Variants in FAM83G observed in about 807,000 individuals in gnomAD.
The protein encoded by FAM83G is protein FAM83G.
A neutral mutation model predicts 61.5 loss-of-function variants in FAM83G; 38 were observed. That is an observed-to-expected ratio of 0.62 (90% CI 0.48 to 0.81). The LOEUF (loss-of-function observed/expected upper bound fraction) is 0.81, where lower values mean the gene tolerates loss of function less well. Among genes scored for constraint, FAM83G ranks in the 30% least tolerant of loss-of-function variants. The pLI is 0.00. For missense variants in FAM83G, 989 were observed against 1,133.6 expected (o/e 0.87, Z 1.83); for synonymous variants, 470 against 476.1 (o/e 0.99, Z 0.17).
rs2043078928 is a variant in FAM83G, at chr17:18,979,649, C to T, written c.715G>A (p.Gly239Arg). Reference protein sequence around the residue: ...LKNLRVRSSGGTEFFTRSATK... With the variant: ...LKNLRVRSSGRTEFFTRSATK... ...GCCGACCGCGTGAAGAACTCAGTTCCCCCGCTGCTCCGCACTCTGAGATTC... is the reference window on the plus strand; with the variant it reads ...GCCGACCGCGTGAAGAACTCAGTTCTCCCGCTGCTCCGCACTCTGAGATTC... The change falls in exon 4 of 6, where the codon GGA becomes AGA. Residue 239 changes from glycine to arginine, a missense_variant. Coordinates refer to ENST00000388995, the MANE Select transcript of FAM83G (RefSeq NM_001039999.3). The T allele has an allele frequency of 6.2e-7, 1 of 1,613,476 alleles. No homozygotes were observed. Among genetic ancestry groups the T allele is most frequent in the Non-Finnish European group, 8.5e-7 (1 of 1,179,988 alleles).
At position 18,992,502 on chromosome 17, in the gene FAM83G, G is replaced by A. The variant is rs538222114; in HGVS notation, c.523-4088C>T. On this transcript the variant is annotated intron_variant, in intron 2 of 5. Transcript: ENST00000388995. ...CCCAGCAGACACGGCCTGAAGCCACGTAACACTGGCTGCTGGCGTTGGGGG... is the reference window on the plus strand; with the variant it reads ...CCCAGCAGACACGGCCTGAAGCCACATAACACTGGCTGCTGGCGTTGGGGG... Among the ~76,000 whole-genome samples, 9 of 152,350 alleles carry A rather than the reference G, an allele frequency of 5.9e-5. No individual in the cohort carries two copies. The East Asian group carries it at 1.2e-3, about 20-fold the overall frequency.
intron 3 of FAM83G, among the ~76,000 whole-genome samples, chr17:18,980,525 C>G (rs1381326218): frequency 6.6e-6 from 1 of 152,094 alleles, no homozygotes; most frequent in East Asian, 1.9e-4. Context: ...ACATAAGGGC[C>G]CTCTGTCCCA....
At chr17:19,002,137 C>T (rs1211206583) in intron 2 of FAM83G, among the ~76,000 whole-genome samples, 1 of 152,246 alleles carries the variant, frequency 6.6e-6, no homozygotes, top group Admixed American at 6.5e-5. Flanking sequence ...TCCTCTTCCT[C>T]TAACTCCTTC....
chr17:18,985,744 A>G (rs115138605), intron 3 of FAM83G, among the ~76,000 whole-genome samples: 3,306 of 152,200 alleles, frequency 0.022, 122 homozygotes, highest in African/African-American at 0.074. Context: ...TGGATATGTC[A>G]CCCTACAGAC....
chr17:18,969,298 C>T lies in FAM83G; in HGVS notation c.*2061G>A. ...GAAGTTCCTCCCCGTGTCCCTCCTC[C>T]CTGGGGCCAGGGCCCCCTCCAGCAA... is the stretch of plus-strand genomic sequence containing the variant. On this transcript the variant is annotated 3_prime_UTR_variant, in exon 6 of 6. Transcript: ENST00000388995. 1 of 1,600,714 alleles carries T rather than the reference C, an allele frequency of 6.2e-7. No individual in the cohort carries two copies. Among genetic ancestry groups the T allele is most frequent in the East Asian group, 2.2e-5 (1 of 44,802 alleles).
rs192716339 is a variant in FAM83G, at chr17:18,988,725, A to G, written c.523-311T>C. ...ATGCTGAGATGAACCTGATGTGTCAATGACCGGAAGGGCAGCAGCTGGCGT... is the reference window on the plus strand; with the variant it reads ...ATGCTGAGATGAACCTGATGTGTCAGTGACCGGAAGGGCAGCAGCTGGCGT... On this transcript the variant is annotated intron_variant, in intron 2 of 5. Coordinates refer to ENST00000388995, the MANE Select transcript of FAM83G (RefSeq NM_001039999.3). 2.4e-4 allele frequency among the ~76,000 whole-genome samples: 36 copies of G among 152,344 alleles called. 1 individual carries two copies. The highest frequency in any genetic ancestry group is 7.5e-4 in the African/African-American group (31 of 41,584).
rs186981957 is a variant in FAM83G at position 18,971,463 on chromosome 17, G to T, written c.2368C>A (p.Leu790Met). The T allele has an allele frequency of 1.7e-5, 28 of 1,614,004 alleles. No individual in the cohort carries two copies. The highest frequency in any genetic ancestry group is 2.4e-5 in the Non-Finnish European group (28 of 1,180,042). Residue 790 changes from leucine to methionine, a missense_variant, in exon 6 of 6, where the codon CTG becomes ATG. Leu to Met is a conservative substitution (Grantham distance 15). This residue lies in a region of FAM83G where 574 missense variants were observed against 645.1 expected (regional missense o/e 0.89). Coordinates refer to ENST00000388995, the MANE Select transcript of FAM83G (RefSeq NM_001039999.3). The surrounding 1 kb of genome is among the most constrained non-coding windows in gnomAD (Gnocchi z 5.5). ...PSPFGIPYSK[L>M]SQSKHLKART... ...GCCTTTAGGTGCTTCGACTGAGACA[G>T]TTTGGAGTATGGGATTCCGAAGGGA...
At chr17:18,980,041 G>A (rs1050343581) in intron 3 of FAM83G, among the ~76,000 whole-genome samples, 34 of 152,176 alleles carry the variant, frequency 2.2e-4, no homozygotes, top group African/African-American at 7.5e-4. Flanking sequence ...GGTCCTGAGC[G>A]GGAGGGTGAT....
At chr17:18,979,970 A>G (rs1216988820) in intron 3 of FAM83G, among the ~76,000 whole-genome samples, 1 of 152,150 alleles carries the variant, frequency 6.6e-6, no homozygotes, top group Non-Finnish European at 1.5e-5. Context: ...TCAGGCAGGA[A>G]AAGGCTTACA....
In FAM83G at chr17:18,969,258, C is replaced by T. The variant is rs2042778221; in HGVS notation, c.*2101G>A. The T allele has an allele frequency of 1.3e-6, 2 of 1,577,780 alleles. No individual in the cohort carries two copies. The highest frequency in any genetic ancestry group is 1.3e-5 in the African/African-American group (1 of 74,258). On this transcript the variant is annotated 3_prime_UTR_variant, in exon 6 of 6. Transcript: ENST00000388995. ...CGAGGGAGCAGCCCAGGAAGTGGCCCCAGCAGGAGCCCCAGAAGTTCCTCC... is the reference window on the plus strand; with the variant it reads ...CGAGGGAGCAGCCCAGGAAGTGGCCTCAGCAGGAGCCCCAGAAGTTCCTCC...
intron 5 of FAM83G, among the ~76,000 whole-genome samples, chr17:18,974,742 C>A (rs761370533): frequency 5.3e-5 from 8 of 152,244 alleles, no homozygotes; most frequent in Non-Finnish European, 1.2e-4. Context: ...CACTAGCAGC[C>A]TCACTTAAGT....
chr17:18,978,083 T>C lies in FAM83G; in HGVS notation c.1583A>G (p.Glu528Gly). 1 of 1,516,672 alleles carries C rather than the reference T, an allele frequency of 6.6e-7. No individual in the cohort carries two copies. The highest frequency in any genetic ancestry group is 8.8e-7 in the Non-Finnish European group (1 of 1,135,776). 94.0% of individuals were successfully genotyped at this position (1,516,672 alleles called of 1,614,324 possible). Residue 528 changes from glutamate (E) to glycine (G), a missense_variant, in exon 5 of 6, where the codon GAG becomes GGG. Physicochemically the swap from Glu to Gly is moderately conservative, Grantham distance 98. Around this residue, in one of 3 missense-constraint regions of FAM83G, gnomAD observed 574 missense variants for 645.1 expected, o/e 0.89. Coordinates refer to ENST00000388995, the MANE Select transcript of FAM83G (RefSeq NM_001039999.3). Reference sequence around the variant, plus strand: ...CTGGGGAGCTTCCTCTTTGGGGAGCTCCAGGACCCAGCCAATATCACTGCT... The same window carrying C: ...CTGGGGAGCTTCCTCTTTGGGGAGCCCCAGGACCCAGCCAATATCACTGCT... ...RDSSDIGWVL[E>G]LPKEEAPQNG...
intron 5 of FAM83G, among the ~76,000 whole-genome samples, chr17:18,974,489 C>T (rs2152005141): frequency 6.6e-6 from 1 of 152,356 alleles, no homozygotes; most frequent in South Asian, 2.1e-4. Flanking sequence ...CAGGGCAGTG[C>T]ACAGACCAGA....
chr17:18,992,178 T>C (rs1010056829), intron 2 of FAM83G, among the ~76,000 whole-genome samples: 4 of 152,170 alleles, frequency 2.6e-5, no homozygotes, highest in African/African-American at 9.6e-5. Context: ...CCTCCCATGC[T>C]GTACCCTCCC....
chr17:18,982,487 G>A (rs770288845), intron 3 of FAM83G, among the ~76,000 whole-genome samples: 4 of 152,226 alleles, frequency 2.6e-5, no homozygotes, highest in Admixed American at 1.3e-4. Context: ...GAGGGATGCC[G>A]GGGCTGGCCC....
Position 18,971,443 on chromosome 17 carries a change from T to A in FAM83G, c.2388A>T (p.Leu796=), listed in dbSNP as rs1266098105. 1 of 1,613,850 alleles carries A rather than the reference T, an allele frequency of 6.2e-7. No homozygotes were observed. Among genetic ancestry groups the A allele is most frequent in the Non-Finnish European group, 8.5e-7 (1 of 1,180,008 alleles). The change falls in exon 6 of 6, where the codon CTA becomes CTT. Residue 796 remains leucine (L), a synonymous_variant. Coordinates refer to ENST00000388995, the MANE Select transcript of FAM83G (RefSeq NM_001039999.3). This position sits in a 1 kb window ranked among gnomAD's most constrained non-coding sequence, Gnocchi z 5.5. ...ACTGGCTACCGCCCGTCCTGGCCTTTAGGTGCTTCGACTGAGACAGTTTGG... is the reference window on the plus strand; with the variant it reads ...ACTGGCTACCGCCCGTCCTGGCCTTAAGGTGCTTCGACTGAGACAGTTTGG... ...PYSKLSQSKH[L]KARTGGSQWA...
intron 3 of FAM83G, among the ~76,000 whole-genome samples, chr17:18,980,926 C>A (rs762483008): frequency 6.6e-6 from 1 of 152,084 alleles, no homozygotes; most frequent in Non-Finnish European, 1.5e-5. Context: ...AGTCTCACTC[C>A]CTCCCGAGGG....
At chr17:19,001,108 A>G (rs1469272824) in intron 2 of FAM83G, among the ~76,000 whole-genome samples, 1 of 152,198 alleles carries the variant, frequency 6.6e-6, no homozygotes, top group African/African-American at 2.4e-5. Context: ...CATCTGAAAA[A>G]TGAGACAGAT....
chr17:18,982,144 G>A (rs891057710), intron 3 of FAM83G, among the ~76,000 whole-genome samples: 26 of 152,224 alleles, frequency 1.7e-4, no homozygotes, highest in Non-Finnish European at 3.7e-4. Flanking sequence ...GCAGGCCTCG[G>A]CTGGGCCGCT....
Sources: allele counts gnomAD v4.1 joint callset (sites outside exome capture counted in the v4.1 genomes callset), GRCh38; gene constraint gnomAD v4.1.1; regional missense constraint gnomAD v4.1.1; non-coding constraint Gnocchi (gnomAD v3.1); transcripts MANE v1.5; gene names NCBI Gene and HGNC (gene_info 2026-07-23, HGNC 2026-07-21).